ARHGAP42: variants seen among roughly 807,000 people sequenced by gnomAD.
The protein encoded by ARHGAP42 is rho GTPase-activating protein 42.
ARHGAP42 carries 63 observed loss-of-function variants against 125.0 expected under a neutral mutation model. That is an observed-to-expected ratio of 0.50 (90% CI 0.41 to 0.62). The LOEUF (loss-of-function observed/expected upper bound fraction) is 0.62, where lower values mean the gene tolerates loss of function less well. Ranked by LOEUF, ARHGAP42 falls within the 20% of genes least tolerant of loss-of-function variation. The pLI is 0.00. For missense variants in ARHGAP42, 766 were observed against 1,024.2 expected, an observed-to-expected ratio of 0.75 and a Z score of 3.44; for synonymous variants, 339 against 351.0, an observed-to-expected ratio of 0.97 and a Z score of 0.38.
intron 3 of ARHGAP42, among the ~76,000 whole-genome samples, chr11:100,830,213 G>T (rs529170562): frequency 6.6e-6 from 1 of 152,278 alleles, no homozygotes; most frequent in African/African-American, 2.4e-5. Context: ...TATTTCCCAA[G>T]CTTGACGAGA....
intron 5 of ARHGAP42, among the ~76,000 whole-genome samples, chr11:100,916,344 A>G (rs1256751051): frequency 6.6e-6 from 1 of 152,236 alleles, no homozygotes; most frequent in Non-Finnish European, 1.5e-5. Context: ...ATGTCAAACC[A>G]TTAGGGAATT....
chr11:100,933,198 G>T lies in ARHGAP42; in HGVS notation c.640G>T (p.Gly214Ter), dbSNP rs1867633521. 6.5e-7 allele frequency: 1 copy of T among 1,550,286 alleles called. No homozygotes were observed. Among genetic ancestry groups the T allele is most frequent in the African/African-American group, 1.4e-5 (1 of 73,044 alleles). ...GGGCTTATTTACTTTTTACCATGAGGGATATGAACTTGCCCAGGAATTTGC... is the reference window on the plus strand; with the variant it reads ...GGGCTTATTTACTTTTTACCATGAGTGATATGAACTTGCCCAGGAATTTGC... ...LQGLFTFYHE[G>*]YELAQEFAPY... The change falls in exon 7 of 24, where the codon GGA becomes TGA. Residue 214 changes from glycine (G) to a stop codon, truncating the protein, a stop_gained. Coordinates refer to ENST00000298815, the MANE Select transcript of ARHGAP42 (RefSeq NM_152432.4). LOFTEE classifies it high-confidence loss of function.
At chr11:100,788,861 A>T (rs1486033099) in intron 2 of ARHGAP42, among the ~76,000 whole-genome samples, 2 of 152,210 alleles carry the variant, frequency 1.3e-5, no homozygotes, top group Non-Finnish European at 2.9e-5. Context: ...TACAGCAGTC[A>T]GTATGCTACC....
At chr11:100,851,953 T>TA (rs1242533962) in intron 3 of ARHGAP42, among the ~76,000 whole-genome samples, 1 of 152,154 alleles carries the variant, frequency 6.6e-6, no homozygotes, top group East Asian at 1.9e-4. Context: ...CAAGGTCACT[T>TA]ACCCAGTGCA....
chr11:100,690,811 A>C (rs946320859), intron 1 of ARHGAP42, among the ~76,000 whole-genome samples: 2 of 152,026 alleles, frequency 1.3e-5, no homozygotes, highest in African/African-American at 4.8e-5. Context: ...CGTGTTAGCC[A>C]GGATGATCTC....
At chr11:100,901,506 C>A (rs370048492) in intron 4 of ARHGAP42, among the ~76,000 whole-genome samples, 4 of 152,208 alleles carry the variant, frequency 2.6e-5, no homozygotes, top group Admixed American at 6.5e-5. Flanking sequence ...TTCAGCTATG[C>A]CCTGCCCATA....
intron 3 of ARHGAP42, among the ~76,000 whole-genome samples, chr11:100,837,926 T>TTTTATTTTATTTTATTTTATTTTATTTTA (rs1555008987): frequency 8.6e-6 from 1 of 116,792 alleles, no homozygotes; most frequent in Non-Finnish European, 1.7e-5. Flanking sequence ...GTCTAACAGG[T>TTTTATTTTATTTTATTTTATTTTATTTTA]TTTTATTTTA....
chr11:100,811,171 G>T (rs1864133059), intron 3 of ARHGAP42, among the ~76,000 whole-genome samples: 1 of 152,174 alleles, frequency 6.6e-6, no homozygotes. Flanking sequence ...GGCCAGGCTG[G>T]TCTCAAAGTC....
intron 19 of ARHGAP42, among the ~76,000 whole-genome samples, chr11:100,975,375 T>A (rs1156640830): frequency 6.6e-6 from 1 of 152,160 alleles, no homozygotes; most frequent in African/African-American, 2.4e-5. Context: ...AAAAAAATAG[T>A]TTACTAATTT....
intron 1 of ARHGAP42, among the ~76,000 whole-genome samples, chr11:100,699,843 G>A (rs978090258): frequency 6.6e-6 from 1 of 151,956 alleles, no homozygotes; most frequent in African/African-American, 2.4e-5. Flanking sequence ...AATTCTTGAG[G>A]TTAGAAATTG....
intron 4 of ARHGAP42, among the ~76,000 whole-genome samples, chr11:100,897,424 C>G (rs576933628): frequency 6.6e-6 from 1 of 152,190 alleles, no homozygotes; most frequent in Admixed American, 6.5e-5. Flanking sequence ...TATAAATTAC[C>G]TTGGGCAGTA....
chr11:100,813,719 A>G (rs1864201541), intron 3 of ARHGAP42, among the ~76,000 whole-genome samples: 1 of 152,188 alleles, frequency 6.6e-6, no homozygotes, highest in South Asian at 2.1e-4. Context: ...TAAGACTTCC[A>G]CAGTGTGTTA....
At chr11:100,745,083 G>A (rs754501164) in intron 1 of ARHGAP42, among the ~76,000 whole-genome samples, 4 of 151,534 alleles carry the variant, frequency 2.6e-5, no homozygotes, top group African/African-American at 7.3e-5. Flanking sequence ...CAAGAAATCG[G>A]AATGAGTCAG....
chr11:100,827,945 G>T (rs1425565472), intron 3 of ARHGAP42, among the ~76,000 whole-genome samples: 1 of 152,188 alleles, frequency 6.6e-6, no homozygotes, highest in African/African-American at 2.4e-5. Flanking sequence ...ACATGGGAGT[G>T]GGGGTAAGAG....
chr11:100,755,094 A>G lies in ARHGAP42; in HGVS notation c.155-15249A>G, dbSNP rs150441639. ...TATGCTTTCATAGAATTTAGATTCT[A>G]ATGGCAGGGGGTGTGGGTGGCAGAT... On this transcript the variant is annotated intron_variant, in intron 1 of 23. Coordinates refer to ENST00000298815, the MANE Select transcript of ARHGAP42 (RefSeq NM_152432.4). Among the ~76,000 whole-genome samples the G allele has an allele frequency of 1.1e-3, 172 of 152,362 alleles. 1 individual carries two copies. Among genetic ancestry groups the G allele is most frequent in the African/African-American group, 4.0e-3 (167 of 41,592 alleles).
chr11:100,978,375 A>T (rs1246476437), intron 21 of ARHGAP42, among the ~76,000 whole-genome samples: 1 of 152,146 alleles, frequency 6.6e-6, no homozygotes, highest in Non-Finnish European at 1.5e-5. Flanking sequence ...TAAATATAGA[A>T]ACTCTTTCAA....
intron 4 of ARHGAP42, among the ~76,000 whole-genome samples, chr11:100,909,744 A>G (rs1035768639): frequency 6.6e-6 from 1 of 152,198 alleles, no homozygotes; most frequent in Admixed American, 6.5e-5. Context: ...ATGCTTCTGC[A>G]TATGGCTGTC....
intron 1 of ARHGAP42, among the ~76,000 whole-genome samples, chr11:100,744,058 C>T (rs1054963962): frequency 1.3e-5 from 2 of 152,328 alleles, no homozygotes; most frequent in South Asian, 4.1e-4. Flanking sequence ...GCAACCTCTT[C>T]TTCCCATGTT....
intron 4 of ARHGAP42, among the ~76,000 whole-genome samples, chr11:100,886,062 A>G (rs952816704): frequency 2.6e-5 from 4 of 152,190 alleles, no homozygotes; most frequent in African/African-American, 4.8e-5. Context: ...TGAGAAGCCT[A>G]TGGTCTACAT....
Sources: allele counts gnomAD v4.1 joint callset (sites outside exome capture counted in the v4.1 genomes callset), GRCh38; gene constraint gnomAD v4.1.1; transcripts MANE v1.5; gene names NCBI Gene and HGNC (gene_info 2026-07-23, HGNC 2026-07-21).